STAG2: variants seen among roughly 807,000 people sequenced by gnomAD.
STAG2 encodes cohesin subunit SA-2.
STAG2 carries 14 observed loss-of-function variants against 108.1 expected under a neutral mutation model. That is an observed-to-expected ratio of 0.13 (90% CI 0.09 to 0.20). The LOEUF (loss-of-function observed/expected upper bound fraction) is 0.20. Among genes scored for constraint, STAG2 ranks in the 10% least tolerant of loss-of-function variants. The pLI, the probability that STAG2 is intolerant of heterozygous loss-of-function variation, is 1.00. For missense variants in STAG2, 440 were observed against 940.9 expected, an observed-to-expected ratio of 0.47 and a Z score of 6.96; for synonymous variants, 307 against 302.7, an observed-to-expected ratio of 1.01 and a Z score of -0.15.
intron 23 of STAG2, 34 bp downstream of exon 23, chrX:124,066,470 T>A: frequency 1.0e-6 from 1 of 997,101 alleles, no homozygotes; most frequent in Non-Finnish European, 1.4e-6. Context: ...TTTATTAGAC[T>A]AAATATCATT....
chrX:124,064,333 G>C (rs1173445034), intron 20 of STAG2, among the ~76,000 whole-genome samples: 2 of 111,344 alleles, frequency 1.8e-5, no homozygotes, highest in Non-Finnish European at 3.8e-5. Context: ...GGCTGTTAAG[G>C]AATAGGGTGT....
intron 30 of STAG2, among the ~76,000 whole-genome samples, chrX:124,089,938 A>T (rs958691856): frequency 7.4e-4 from 81 of 109,909 alleles, no homozygotes; most frequent in Non-Finnish European, 1.4e-3. Flanking sequence ...AGGCAGGCAG[A>T]TCATTTGAGG....
At chrX:124,085,154 T>C (rs1319079834) in intron 29 of STAG2, among the ~76,000 whole-genome samples, 2 of 112,160 alleles carry the variant, frequency 1.8e-5, no homozygotes, top group Non-Finnish European at 3.8e-5. Context: ...TGGATTTCAT[T>C]GAGTACAAAC....
At chrX:124,030,602 G>A (rs2057302208) in intron 4 of STAG2, among the ~76,000 whole-genome samples, 1 of 111,538 alleles carries the variant, frequency 9.0e-6, no homozygotes, top group Admixed American at 9.6e-5. Flanking sequence ...AACCCTATGG[G>A]GTAGGCACAG....
At chrX:124,006,681 C>T (rs993439589) in intron 1 of STAG2, among the ~76,000 whole-genome samples, 3 of 110,753 alleles carry the variant, frequency 2.7e-5, no homozygotes, top group Non-Finnish European at 5.7e-5. Context: ...CCTTGTGATC[C>T]GCCCACCTCG....
intron 1 of STAG2, among the ~76,000 whole-genome samples, chrX:123,974,976 A>C (rs2054553911): frequency 8.9e-6 from 1 of 111,916 alleles, no homozygotes; most frequent in African/African-American, 3.3e-5. Context: ...GGATTGGGAT[A>C]TATGATAACC....
chrX:123,965,201 A>T (rs1052976214), intron 1 of STAG2, among the ~76,000 whole-genome samples: 2 of 112,062 alleles, frequency 1.8e-5, no homozygotes, highest in Non-Finnish European at 1.9e-5. Flanking sequence ...AAAGGAAAAT[A>T]GGTGACATAT....
intron 1 of STAG2, among the ~76,000 whole-genome samples, chrX:123,973,944 A>G (rs951323670): frequency 2.7e-5 from 3 of 111,554 alleles, no homozygotes; most frequent in Non-Finnish European, 5.6e-5. Flanking sequence ...GGACTTTGTC[A>G]CTACAGAAGG....
intron 1 of STAG2, among the ~76,000 whole-genome samples, chrX:123,982,540 C>A (rs2054927041): frequency 9.1e-6 from 1 of 110,096 alleles, no homozygotes; most frequent in African/African-American, 3.3e-5. Context: ...TACAGTGCCA[C>A]CACGCCTGGC....
intron 1 of STAG2, among the ~76,000 whole-genome samples, chrX:124,004,578 A>G (rs1429092121): frequency 9.0e-6 from 1 of 111,112 alleles, no homozygotes; most frequent in Non-Finnish European, 1.9e-5. Context: ...TATATGTACC[A>G]TATTTTGTTC....
At position 124,021,217 on chromosome X, in the gene STAG2, TC is replaced by T. The variant is rs2056916021; in HGVS notation, c.-162-149del. ...ATATTAGTAACCATTGATGATGTTTTCTAGAGAGATAAAATTACCAAGACAA... is the reference window on the plus strand; with the variant it reads ...ATATTAGTAACCATTGATGATGTTTTTAGAGAGATAAAATTACCAAGACAA... On this transcript the variant is annotated intron_variant, in intron 1 of 34. Coordinates refer to ENST00000371145, the MANE Select transcript of STAG2 (RefSeq NM_001042750.2). 2.7e-5 allele frequency: 3 copies of T among 112,067 alleles called. No individual in the cohort carries two copies. In the South Asian group the frequency reaches 1.1e-3, roughly 41 times the overall value. 9.2% of individuals were successfully genotyped at this position (112,067 alleles called of 1,213,427 possible).
rs764261772 is a variant in STAG2 at position 124,003,307 on chromosome X, C to T, written c.-162-18060C>T. Among the ~76,000 whole-genome samples the T allele has an allele frequency of 1.4e-4, 15 of 110,726 alleles. No homozygotes were observed. In the South Asian group the frequency reaches 1.9e-3, roughly 14 times the overall value. Reference sequence around the variant, plus strand: ...TAATTACAGTTGCTAATCTTGTTTGCGTCACTGATTTCATTGTTAGTTAGG... The same window carrying T: ...TAATTACAGTTGCTAATCTTGTTTGTGTCACTGATTTCATTGTTAGTTAGG... On this transcript the variant is annotated intron_variant, in intron 1 of 34. Coordinates refer to ENST00000371145, the MANE Select transcript of STAG2 (RefSeq NM_001042750.2).
At chrX:123,991,954 G>A (rs2055502119) in intron 1 of STAG2, among the ~76,000 whole-genome samples, 1 of 113,052 alleles carries the variant, frequency 8.8e-6, no homozygotes, top group Non-Finnish European at 1.9e-5. Flanking sequence ...CGTGAGCAAC[G>A]ACGCCTGGCC....
intron 5 of STAG2, among the ~76,000 whole-genome samples, chrX:124,033,057 C>T (rs1395607386): frequency 8.0e-5 from 9 of 112,159 alleles, no homozygotes. Context: ...TAAAAGGTGC[C>T]AGATTTATTC....
intron 15 of STAG2, among the ~76,000 whole-genome samples, chrX:124,059,235 T>C (rs1208231328): frequency 1.8e-5 from 2 of 112,192 alleles, no homozygotes; most frequent in Non-Finnish European, 3.8e-5. Flanking sequence ...AAGAATCGCT[T>C]GAACCGGGGA....
Position 124,076,396 on chromosome X carries a change from A to T in STAG2, c.2598A>T (p.Ala866=), listed in dbSNP as rs201474861. The change falls in exon 26 of 35, where the codon GCA becomes GCT. Residue 866 remains alanine (A), a synonymous_variant. Coordinates refer to ENST00000371145, the MANE Select transcript of STAG2 (RefSeq NM_001042750.2). ...EALHKRRNLL[A]AFCKLIVYTV... is the part of the protein sequence containing the mutation. Reference sequence around the variant, plus strand: ...TGCACAAGAGAAGAAATTTACTTGCAGCATTTTGTAAGCTAATTGTATATA... The same window carrying T: ...TGCACAAGAGAAGAAATTTACTTGCTGCATTTTGTAAGCTAATTGTATATA... 2.5e-6 allele frequency: 3 copies of T among 1,207,515 alleles called. No homozygotes were observed. Among genetic ancestry groups the T allele is most frequent in the African/African-American group, 1.7e-5 (1 of 57,167 alleles).
intron 2 of STAG2, 146 bp from the exon 3 acceptor site, chrX:124,022,385 A>T (rs2056962080): frequency 3.6e-6 from 1 of 275,706 alleles, no homozygotes; most frequent in Non-Finnish European, 6.3e-6. Context: ...AAAAAAAAAA[A>T]AGAAAGCAGT....
chrX:123,986,005 G>A (rs2055157891), intron 1 of STAG2, among the ~76,000 whole-genome samples: 1 of 107,483 alleles, frequency 9.3e-6, no homozygotes, highest in East Asian at 2.9e-4. Context: ...AATTTTAGAG[G>A]AGGAAGAAGC....
intron 1 of STAG2, among the ~76,000 whole-genome samples, chrX:123,998,688 G>A (rs1013870880): frequency 2.7e-5 from 3 of 110,033 alleles, no homozygotes; most frequent in Middle Eastern, 4.2e-3. Context: ...AATGTGATTT[G>A]ATTTGTACTT....
Sources: allele counts gnomAD v4.1 joint callset (sites outside exome capture counted in the v4.1 genomes callset), GRCh38; gene constraint gnomAD v4.1.1; transcripts MANE v1.5; gene names NCBI Gene and HGNC (gene_info 2026-07-23, HGNC 2026-07-21).